PRDM15: variants seen among roughly 807,000 people sequenced by gnomAD.
The protein encoded by PRDM15 is PR/SET domain 15, also known as PR domain zinc finger protein 15.
In PRDM15, 64 loss-of-function variants were observed where a neutral mutation model predicts 128.6. The ratio of observed to expected loss-of-function variants is 0.50; its 90% CI spans 0.41 to 0.61. PRDM15 has a LOEUF of 0.61. PRDM15 is among the 20% of genes least tolerant of loss of function. The pLI, the probability that PRDM15 is intolerant of heterozygous loss-of-function variation, is 0.00. For synonymous variants in PRDM15, 615 were observed against 621.8 expected (o/e 0.99, Z 0.16); for missense variants, 1,242 against 1,569.1 (o/e 0.79, Z 3.52).
chr21:41,818,149 T>C (rs1022338637), intron 18 of PRDM15, among the ~76,000 whole-genome samples: 2 of 152,140 alleles, frequency 1.3e-5, no homozygotes, highest in Admixed American at 6.5e-5. Context: ...ATTTTACTTC[T>C]TGGGGGCATT....
At chr21:41,861,537 C>A in intron 1 of PRDM15, 2 of 1,543,256 alleles carry the variant, frequency 1.3e-6, no homozygotes, top group Non-Finnish European at 8.8e-7. Context: ...CTCCTCTGCC[C>A]CCCCCCAATC....
In PRDM15 at chr21:41,821,077, T is replaced by C; in HGVS notation, c.2050A>G (p.Asn684Asp). ...CCGACCAGGCCTCACTTCTGCACGT[T>C]GGGGTCCGGCAGGTTTTCACGGTGG... ...VIHRENLPDPNVQKYIHPCEI... is the reference protein window; with the variant it reads ...VIHRENLPDPDVQKYIHPCEI... Residue 684 changes from asparagine (N) to aspartate (D), a missense_variant, in exon 16 of 24, where the codon AAC becomes GAC. By Grantham distance (23) the Asn-to-Asp change is conservative. Transcript: ENST00000398548. The surrounding 1 kb of genome is among the most constrained non-coding windows in gnomAD (Gnocchi z 5.4). 6.2e-7 allele frequency: 1 copy of C among 1,614,134 alleles called. No individual in the cohort carries two copies. The highest frequency in any genetic ancestry group is 8.5e-7 in the Non-Finnish European group (1 of 1,180,002).
rs556774769 is a variant in PRDM15, at chr21:41,837,954, A to G, written c.981T>C (p.Thr327=). The G allele has an allele frequency of 6.2e-7, 1 of 1,614,166 alleles. No homozygotes were observed. Among genetic ancestry groups the G allele is most frequent in the East Asian group, 2.2e-5 (1 of 44,876 alleles). Reference sequence around the variant, plus strand: ...CTTACTTTGGAACCGAGCTGGTGTCAGTGGTGGTGGTGGCCAGCTTCCCCA... The same window carrying G: ...CTTACTTTGGAACCGAGCTGGTGTCGGTGGTGGTGGTGGCCAGCTTCCCCA... The part of the protein sequence containing the change: ...LVLGKLATTT[T]DTSSVPKFTH... Residue 327 remains threonine, a synonymous_variant, in exon 8 of 24, where the codon ACT becomes ACC. Coordinates refer to ENST00000398548, the MANE Select transcript of PRDM15 (RefSeq NM_001040424.3).
chr21:41,863,453 A>G (rs1227781634), intron 1 of PRDM15, among the ~76,000 whole-genome samples: 3 of 152,164 alleles, frequency 2.0e-5, no homozygotes, highest in Non-Finnish European at 4.4e-5. Context: ...ATCTCTTTAC[A>G]ATTTATATGA....
At chr21:41,847,044 C>A (rs759842572) in intron 6 of PRDM15, 46 bp downstream of exon 6, 2 of 1,288,484 alleles carry the variant, frequency 1.6e-6, no homozygotes, top group Non-Finnish European at 2.2e-6. Context: ...AGAGAGAAAT[C>A]GACACAGGAG....
chr21:41,860,505 C>T (rs2063778649), intron 1 of PRDM15, 133 bp from the exon 2 acceptor site: 1 of 657,624 alleles, frequency 1.5e-6, no homozygotes, highest in Admixed American at 2.3e-5. Context: ...TCACTGCAAC[C>T]TCTGCCTCCC....
intron 12 of PRDM15, among the ~76,000 whole-genome samples, chr21:41,826,256 C>T (rs985775173): frequency 1.3e-5 from 2 of 152,196 alleles, no homozygotes; most frequent in Admixed American, 6.5e-5. Context: ...GAAGCAGCCC[C>T]AGGGAAGGAA....
At chr21:41,806,013 C>T (rs2061562605) in intron 21 of PRDM15, among the ~76,000 whole-genome samples, 1 of 88,636 alleles carries the variant, frequency 1.1e-5, no homozygotes, top group African/African-American at 3.8e-5. Flanking sequence ...CCATCACCAC[C>T]ACCATCACCA....
At chr21:41,850,135 G>T (rs1293358809) in intron 5 of PRDM15, among the ~76,000 whole-genome samples, 1 of 152,210 alleles carries the variant, frequency 6.6e-6, no homozygotes, top group East Asian at 1.9e-4. Context: ...TTGAGAAGGT[G>T]AGTGAGAAAT....
chr21:41,820,489 T>C (rs1403135122), intron 16 of PRDM15, among the ~76,000 whole-genome samples: 1 of 151,916 alleles, frequency 6.6e-6, no homozygotes. Flanking sequence ...GAAGATGAGA[T>C]TGGGCACAGA....
In PRDM15 at chr21:41,859,692, G is replaced by A. The variant is rs764968483; in HGVS notation, c.38-7C>T. 2 of 1,612,874 alleles carry A rather than the reference G, an allele frequency of 1.2e-6. No individual in the cohort carries two copies. The highest frequency in any genetic ancestry group is 2.2e-5 in the East Asian group (1 of 44,832). On this transcript the variant is annotated splice_region_variant and splice_polypyrimidine_tract_variant and intron_variant, in intron 2 of 23. Transcript: ENST00000398548. The surrounding 1 kb of genome is among the most constrained non-coding windows in gnomAD (Gnocchi z 5.3). ...TGGCTGCAGTCTTCACACCCTGCAAGCAGACATCCGGGCATTAGAGCACCC... is the reference window on the plus strand; with the variant it reads ...TGGCTGCAGTCTTCACACCCTGCAAACAGACATCCGGGCATTAGAGCACCC...
intron 5 of PRDM15, among the ~76,000 whole-genome samples, chr21:41,853,481 G>A (rs1037175704): frequency 6.6e-6 from 1 of 152,312 alleles, no homozygotes; most frequent in Non-Finnish European, 1.5e-5. Context: ...CCCCTGGGTA[G>A]TGTCAGCTTC....
At chr21:41,819,409 C>T (rs969969637) in intron 18 of PRDM15, among the ~76,000 whole-genome samples, 173 bp downstream of exon 18, 1 of 151,188 alleles carries the variant, frequency 6.6e-6, no homozygotes, top group Non-Finnish European at 1.5e-5. Flanking sequence ...GAGCCTGGCC[C>T]GTGGCCCTGG....
Position 41,836,547 on chromosome 21 carries a change from G to A in PRDM15, c.1104C>T (p.His368=). 1 of 1,613,244 alleles carries A rather than the reference G, an allele frequency of 6.2e-7. No homozygotes were observed. The highest frequency in any genetic ancestry group is 8.5e-7 in the Non-Finnish European group (1 of 1,180,002). The change falls in exon 9 of 24, where the codon CAC becomes CAT. Residue 368 remains histidine (H), a synonymous_variant. Coordinates refer to ENST00000398548, the MANE Select transcript of PRDM15 (RefSeq NM_001040424.3). ...RRKLIKQLGE[H]KRVYQCNICS... is the part of the protein sequence containing the mutation. Reference sequence around the variant, plus strand: ...AGATATTGCACTGGTAAACCCGCTTGTGCTCCCCGAGCTGTTTGATGAGCT... The same window carrying A: ...AGATATTGCACTGGTAAACCCGCTTATGCTCCCCGAGCTGTTTGATGAGCT...
At chr21:41,846,865 G>A (rs2063280782) in intron 6 of PRDM15, among the ~76,000 whole-genome samples, 1 of 152,182 alleles carries the variant, frequency 6.6e-6, no homozygotes, top group South Asian at 2.1e-4. Flanking sequence ...TCCCAACCAG[G>A]AGGAGTGAGG....
intron 11 of PRDM15, among the ~76,000 whole-genome samples, chr21:41,831,879 T>C: frequency 6.6e-6 from 1 of 152,194 alleles, no homozygotes; most frequent in East Asian, 1.9e-4. Flanking sequence ...CAGCCTCACC[T>C]GGGCCATAAG....
intron 22 of PRDM15, among the ~76,000 whole-genome samples, chr21:41,803,653 T>TC (rs536852910): frequency 2.6e-5 from 4 of 151,942 alleles, no homozygotes; most frequent in East Asian, 1.9e-4. Context: ...GGACGACCCG[T>TC]CCCCCCCATG....
At chr21:41,847,845 T>C (rs1430929056) in intron 5 of PRDM15, among the ~76,000 whole-genome samples, 1 of 152,238 alleles carries the variant, frequency 6.6e-6, no homozygotes, top group Non-Finnish European at 1.5e-5. Flanking sequence ...CCTCAGTCCA[T>C]GCCACACAGG....
Position 41,839,812 on chromosome 21 carries a change from G to C in PRDM15, c.682C>G (p.Pro228Ala), listed in dbSNP as rs768581381. ...GCTGCTGCCTCGCTTTGGCTGCCTG[G>C]AGGAAGGCTTTTGGCTTGTTCTAAG... Reference protein sequence around the residue: ...GHLEQAKSLPPGSQSEAAAPE... With the variant: ...GHLEQAKSLPAGSQSEAAAPE... The change falls in exon 7 of 24, where the codon CCA becomes GCA. Residue 228 changes from proline (P) to alanine (A), a missense_variant. Physicochemically the swap from Pro to Ala is conservative, Grantham distance 27. This residue lies in a region of PRDM15 where 612 missense variants were observed against 717.0 expected (regional missense o/e 0.85). Coordinates refer to ENST00000398548, the MANE Select transcript of PRDM15 (RefSeq NM_001040424.3). 1.3e-5 allele frequency: 21 copies of C among 1,614,264 alleles called. No homozygotes were observed. The highest frequency in any genetic ancestry group is 1.4e-5 in the Non-Finnish European group (16 of 1,180,058).
Sources: gnomAD v4.1 joint callset for allele counts (sites outside exome capture counted in the v4.1 genomes callset) on GRCh38, gnomAD v4.1.1 for gene constraint, gnomAD v4.1.1 regional missense constraint, Gnocchi (gnomAD v3.1) non-coding constraint, MANE v1.5 for transcripts, NCBI Gene and HGNC (gene_info 2026-07-23, HGNC 2026-07-21) for gene names.